Variants in KAT6B observed in about 807,000 individuals in gnomAD.
KAT6B encodes lysine acetyltransferase 6B.
Under a neutral mutation model 187.5 loss-of-function variants are expected in KAT6B, and 10 were observed. That is an observed-to-expected ratio of 0.05 (90% confidence interval 0.03 to 0.09). The LOEUF is 0.09. KAT6B is among the 10% of genes least tolerant of loss of function. The pLI, the probability that KAT6B is intolerant of heterozygous loss-of-function variation, is 1.00. For synonymous variants in KAT6B, 861 were observed against 926.8 expected (o/e 0.93, Z 1.29); for missense variants, 1,952 against 2,558.9 (o/e 0.76, Z 5.12).
intron 3 of KAT6B, among the ~76,000 whole-genome samples, chr10:74,918,729 GT>G (rs1213243218): frequency 6.6e-6 from 1 of 152,236 alleles, no homozygotes; most frequent in East Asian, 1.9e-4. Context: ...GGTGACAAGA[GT>G]GAAACTCCAT....
At chr10:74,851,382 G>A (rs528893962) in intron 3 of KAT6B, among the ~76,000 whole-genome samples, 28 of 148,812 alleles carry the variant, frequency 1.9e-4, no homozygotes, top group Non-Finnish European at 3.6e-4. Context: ...TTGCCAGGCT[G>A]GAGTGCAGTG....
Position 74,960,012 on chromosome 10 carries a change from A to C in KAT6B, c.664A>C (p.Thr222Pro), listed in dbSNP as rs1483355421. The part of the protein sequence containing the change: ...PIPICSFCLG[T>P]KESNREKKPE... Reference sequence around the variant, plus strand: ...TCCAATATGTAGCTTCTGTTTGGGGACTAAAGAATCAAATCGTGAAAAGAA... The same window carrying C: ...TCCAATATGTAGCTTCTGTTTGGGGCCTAAAGAATCAAATCGTGAAAAGAA... Residue 222 changes from threonine (T) to proline (P), a missense_variant, in exon 4 of 18, where the codon ACT becomes CCT. Transcript: ENST00000287239. 1 of 1,613,640 alleles carries C rather than the reference A, an allele frequency of 6.2e-7. No homozygotes were observed. The highest frequency in any genetic ancestry group is 2.2e-5 in the East Asian group (1 of 44,830).
intron 3 of KAT6B, among the ~76,000 whole-genome samples, chr10:74,890,262 C>T (rs1203158110): frequency 2.6e-5 from 4 of 152,118 alleles, no homozygotes; most frequent in African/African-American, 7.2e-5. Flanking sequence ...GTCTTGAACT[C>T]CTGACCTCAA....
At chr10:74,865,428 C>T (rs886234791) in intron 3 of KAT6B, among the ~76,000 whole-genome samples, 2 of 151,944 alleles carry the variant, frequency 1.3e-5, no homozygotes, top group African/African-American at 4.8e-5. Context: ...TCTCTACTGC[C>T]TTCAAGCCAA....
At chr10:74,902,661 T>C (rs1235614475) in intron 3 of KAT6B, among the ~76,000 whole-genome samples, 1 of 152,220 alleles carries the variant, frequency 6.6e-6, no homozygotes, top group African/African-American at 2.4e-5. Flanking sequence ...GGTAACATTT[T>C]AAAGATCTTC....
intron 13 of KAT6B, among the ~76,000 whole-genome samples, chr10:74,999,901 G>A (rs139558857): frequency 2.3e-4 from 35 of 152,338 alleles, no homozygotes; most frequent in African/African-American, 7.2e-4. Context: ...TTGGTTGGGC[G>A]TAGCGTCTCA....
chr10:74,877,070 A>T (rs1195519423), intron 3 of KAT6B, among the ~76,000 whole-genome samples: 2 of 149,040 alleles, frequency 1.3e-5, no homozygotes, highest in Non-Finnish European at 3.0e-5. Context: ...GGTTCAAGCG[A>T]TTCTCCTGCC....
intron 3 of KAT6B, among the ~76,000 whole-genome samples, chr10:74,866,651 GAAGAT>G (rs2132348900): frequency 6.6e-6 from 1 of 152,282 alleles, no homozygotes; most frequent in African/African-American, 2.4e-5. Context: ...GCCATAAATA[GAAGAT>G]AACTGTAAAA....
chr10:74,872,160 G>T (rs1287962026), intron 3 of KAT6B, among the ~76,000 whole-genome samples: 1 of 152,122 alleles, frequency 6.6e-6, no homozygotes, highest in Non-Finnish European at 1.5e-5. Context: ...TCTCACACTT[G>T]CTCAGCCCTG....
At chr10:74,909,190 GCGAAACCCCATCT>G (rs1431139802) in intron 3 of KAT6B, among the ~76,000 whole-genome samples, 2 of 152,296 alleles carry the variant, frequency 1.3e-5, no homozygotes, top group Admixed American at 6.5e-5. Flanking sequence ...TGCCACAATG[GCGAAACCCCATCT>G]CTACTAAAAA....
intron 3 of KAT6B, among the ~76,000 whole-genome samples, chr10:74,862,919 G>C (rs1843285532): frequency 6.6e-6 from 1 of 152,178 alleles, no homozygotes; most frequent in South Asian, 2.1e-4. Flanking sequence ...AGGAAAAGCT[G>C]TAAACCGATG....
At position 75,022,241 on chromosome 10, in the gene KAT6B, T is replaced by G. The variant is rs1323478343; in HGVS notation, c.3372+10T>G. 6.2e-7 allele frequency: 1 copy of G among 1,613,132 alleles called. No homozygotes were observed. The highest frequency in any genetic ancestry group is 8.5e-7 in the Non-Finnish European group (1 of 1,180,020). ...TGCCATAAAGAGAAAGGTAGGTGTC[T>G]GTTTAGATTTTCTGTGAGTCGCGTT... is the stretch of plus-strand genomic sequence containing the variant. On this transcript the variant is annotated intron_variant, in intron 16 of 17. Transcript: ENST00000287239.
At chr10:74,943,202 C>G (rs1849827761) in intron 3 of KAT6B, among the ~76,000 whole-genome samples, 1 of 152,074 alleles carries the variant, frequency 6.6e-6, no homozygotes, top group Non-Finnish European at 1.5e-5. Context: ...GATTCAGAAC[C>G]TGAAATAACA....
At chr10:74,995,396 A>T (rs1030043487) in intron 13 of KAT6B, among the ~76,000 whole-genome samples, 2 of 152,226 alleles carry the variant, frequency 1.3e-5, no homozygotes, top group African/African-American at 4.8e-5. Flanking sequence ...GTAAAACATT[A>T]ACATGATTTT....
rs949783910 is a variant in KAT6B, at chr10:74,959,951, T to A, written c.622-19T>A. 1 of 1,496,564 alleles carries A rather than the reference T, an allele frequency of 6.7e-7. No homozygotes were observed. The highest frequency in any genetic ancestry group is 9.3e-7 in the Non-Finnish European group (1 of 1,073,498). The allele number at this position is 1,496,564 out of a possible 1,614,324, so 92.7% of individuals were successfully genotyped here. On this transcript the variant is annotated intron_variant, in intron 3 of 17. Coordinates refer to ENST00000287239, the MANE Select transcript of KAT6B (RefSeq NM_012330.4). ...GAAATGGAAAAGTGACAGTATTTTT[T>A]ATTTTAATTTTGTCATAGCCCCGTG...
chr10:74,926,436 A>C (rs1848507598), intron 3 of KAT6B, among the ~76,000 whole-genome samples: 1 of 152,268 alleles, frequency 6.6e-6, no homozygotes, highest in Non-Finnish European at 1.5e-5. Flanking sequence ...CCTGGGCAAC[A>C]GACTGAGACT....
At position 75,029,141 on chromosome 10, in the gene KAT6B, G is replaced by A; in HGVS notation, c.4317G>A (p.Val1439=). Reference sequence around the variant, plus strand: ...ACAGCCACATGGAGTCTGCCGAAGTGGAGAAGGAAGAGCTGCCCAGAGAAA... The same window carrying A: ...ACAGCCACATGGAGTCTGCCGAAGTAGAGAAGGAAGAGCTGCCCAGAGAAA... ...EDDSHMESAE[V]EKEELPRESF... Residue 1439 remains valine (V), a synonymous_variant, in exon 18 of 18, where the codon GTG becomes GTA. Transcript: ENST00000287239. This position sits in a 1 kb window ranked among gnomAD's most constrained non-coding sequence, Gnocchi z 6.2. The A allele has an allele frequency of 6.2e-7, 1 of 1,614,162 alleles. No individual in the cohort carries two copies. Among genetic ancestry groups the A allele is most frequent in the Admixed American group, 1.7e-5 (1 of 60,020 alleles).
intron 1 of KAT6B, among the ~76,000 whole-genome samples, chr10:74,836,300 G>A (rs898879907): frequency 1.3e-5 from 2 of 152,176 alleles, no homozygotes; most frequent in Admixed American, 6.5e-5. Flanking sequence ...ACTTATTTGA[G>A]TATCTGTTCT....
At chr10:74,909,676 A>G (rs1847050102) in intron 3 of KAT6B, among the ~76,000 whole-genome samples, 1 of 152,172 alleles carries the variant, frequency 6.6e-6, no homozygotes, top group African/African-American at 2.4e-5. Flanking sequence ...TTCTTTGGCA[A>G]AAGGTGTTTT....
Sources: gnomAD v4.1 joint callset for allele counts (sites outside exome capture counted in the v4.1 genomes callset) on GRCh38, gnomAD v4.1.1 for gene constraint, Gnocchi (gnomAD v3.1) non-coding constraint, MANE v1.5 for transcripts, NCBI Gene and HGNC (gene_info 2026-07-23, HGNC 2026-07-21) for gene names.